The following SFMBT1 variants were observed in gnomAD, a reference collection of about 807,000 sequenced individuals.
SFMBT1 encodes scm-like with four MBT domains protein 1.
SFMBT1 carries 32 observed loss-of-function variants against 108.7 expected under a neutral mutation model. That is an observed-to-expected ratio of 0.29 (90% CI 0.22 to 0.40). The LOEUF (loss-of-function observed/expected upper bound fraction) is 0.40, where lower values mean the gene tolerates loss of function less well. SFMBT1 is among the 10% of genes least tolerant of loss of function. The probability of loss-of-function intolerance (pLI) is 1.00; values close to 1 mark genes in which losing one functional copy is unlikely to be tolerated. For missense variants in SFMBT1, 816 were observed against 1,059.6 expected, an observed-to-expected ratio of 0.77 and a Z score of 3.19; for synonymous variants, 348 against 369.5, an observed-to-expected ratio of 0.94 and a Z score of 0.67.
intron 3 of SFMBT1, among the ~76,000 whole-genome samples, chr3:52,949,976 A>G (rs1265306635): frequency 2.6e-5 from 4 of 151,974 alleles, no homozygotes; most frequent in African/African-American, 9.7e-5. Context: ...CTTTTAACCT[A>G]TATGTCTCTT....
At chr3:52,972,272 C>T (rs971849767) in intron 1 of SFMBT1, among the ~76,000 whole-genome samples, 1 of 152,180 alleles carries the variant, frequency 6.6e-6, no homozygotes, top group Non-Finnish European at 1.5e-5. Context: ...GCAAGTCTTA[C>T]GTAGCAGAAA....
chr3:53,025,144 T>C (rs1699444989), intron 1 of SFMBT1, among the ~76,000 whole-genome samples: 1 of 152,104 alleles, frequency 6.6e-6, no homozygotes, highest in Admixed American at 6.5e-5. Flanking sequence ...AACATGACCT[T>C]CTTAACTGTA....
chr3:52,993,696 C>T (rs1199032327), intron 1 of SFMBT1, among the ~76,000 whole-genome samples: 1 of 149,618 alleles, frequency 6.7e-6, no homozygotes, highest in African/African-American at 2.4e-5. Context: ...GGAAAAAAAT[C>T]CCATACAAAA....
chr3:53,021,021 G>C (rs1324828990), intron 1 of SFMBT1, among the ~76,000 whole-genome samples: 2 of 152,144 alleles, frequency 1.3e-5, no homozygotes, highest in African/African-American at 2.4e-5. Flanking sequence ...TCGCGCCACT[G>C]CACTCCAGCC....
At chr3:52,943,184 AGACAG>A (rs1188983456) in intron 4 of SFMBT1, among the ~76,000 whole-genome samples, 164 bp downstream of exon 4, 1 of 152,246 alleles carries the variant, frequency 6.6e-6, no homozygotes, top group Non-Finnish European at 1.5e-5. Context: ...TAATTTTAAA[AGACAG>A]GGAAATGTGT....
At chr3:52,996,206 CT>C (rs35167235) in intron 1 of SFMBT1, among the ~76,000 whole-genome samples, 1,530 of 88,064 alleles carry the variant, frequency 0.017, 9 homozygotes, top group African/African-American at 0.058. Context: ...ATAAACAATC[CT>C]TTTTTTTTTT....
chr3:52,964,824 A>C (rs1704078254), intron 2 of SFMBT1, among the ~76,000 whole-genome samples: 1 of 152,230 alleles, frequency 6.6e-6, no homozygotes, highest in Non-Finnish European at 1.5e-5. Flanking sequence ...TTGCTGCTCT[A>C]GAATTTGATC....
At chr3:52,982,550 G>A (rs1704749153) in intron 1 of SFMBT1, among the ~76,000 whole-genome samples, 1 of 151,956 alleles carries the variant, frequency 6.6e-6, no homozygotes, top group South Asian at 2.1e-4. Context: ...CCAACAAGGT[G>A]AAACGTCGTC....
chr3:53,002,401 TAAA>T (rs36044342), intron 1 of SFMBT1, among the ~76,000 whole-genome samples: 2 of 106,950 alleles, frequency 1.9e-5, no homozygotes, highest in Non-Finnish European at 3.9e-5. Flanking sequence ...TCCGTCTCAA[TAAA>T]AAAAAAAAAA....
intron 1 of SFMBT1, among the ~76,000 whole-genome samples, chr3:52,994,357 CACATCA>C (rs1160067645): frequency 2.7e-5 from 4 of 150,058 alleles, no homozygotes; most frequent in Non-Finnish European, 4.5e-5. Flanking sequence ...ATAACAGAGA[CACATCA>C]ATCACAAGAG....
chr3:53,021,442 TA>T (rs1399752126), intron 1 of SFMBT1, among the ~76,000 whole-genome samples: 1 of 152,216 alleles, frequency 6.6e-6, no homozygotes, highest in African/African-American at 2.4e-5. Flanking sequence ...GTGTTATGTT[TA>T]AATTTTTCCA....
At chr3:52,960,159 G>A (rs1373019098) in intron 2 of SFMBT1, among the ~76,000 whole-genome samples, 2 of 151,730 alleles carry the variant, frequency 1.3e-5, no homozygotes, top group African/African-American at 4.8e-5. Context: ...GAAAAGGCAA[G>A]TGCAGAATGA....
chr3:52,913,333 TTCACTGTCCAAAACATGAGAAA>T, intron 15 of SFMBT1, 123 bp downstream of exon 15: 1 of 992,804 alleles, frequency 1.0e-6, no homozygotes, highest in Middle Eastern at 2.4e-4. Flanking sequence ...ACATACCCTC[TTCACTGTCCAAAACATGAGAAA>T]AGTTAGTAAC....
At chr3:52,916,377 T>G (rs1449733678) in intron 13 of SFMBT1, among the ~76,000 whole-genome samples, 163 bp from the exon 14 acceptor site, 1 of 149,574 alleles carries the variant, frequency 6.7e-6, no homozygotes, top group Non-Finnish European at 1.5e-5. Flanking sequence ...TTTTTTTTTT[T>G]TTAAAAGAAC....
intron 8 of SFMBT1, 124 bp downstream of exon 8, chr3:52,930,205 T>A: frequency 1.5e-6 from 1 of 647,796 alleles, no homozygotes; most frequent in East Asian, 2.7e-5. Flanking sequence ...GAAGTAATTC[T>A]AGCTGCACGG....
At chr3:52,949,743 C>T (rs1269101358) in intron 3 of SFMBT1, among the ~76,000 whole-genome samples, 2 of 151,670 alleles carry the variant, frequency 1.3e-5, no homozygotes, top group African/African-American at 4.8e-5. Context: ...CCACGCCTGG[C>T]TAATTTTGTA....
chr3:53,024,379 A>C (rs1699414890), intron 1 of SFMBT1, among the ~76,000 whole-genome samples: 1 of 152,250 alleles, frequency 6.6e-6, no homozygotes, highest in African/African-American at 2.4e-5. Flanking sequence ...GATATGTCCA[A>C]GAGTCCTAAG....
chr3:52,985,648 G>T (rs1006549384), intron 1 of SFMBT1, among the ~76,000 whole-genome samples: 1 of 152,124 alleles, frequency 6.6e-6, no homozygotes, highest in African/African-American at 2.4e-5. Context: ...TTTGTTGTTT[G>T]GCAATTTTGT....
chr3:52,976,444 T>A (rs975740546), intron 1 of SFMBT1, among the ~76,000 whole-genome samples: 2 of 151,982 alleles, frequency 1.3e-5, no homozygotes, highest in Non-Finnish European at 2.9e-5. Flanking sequence ...GGAAAAAAAA[T>A]TAGAACCTTA....
Sources: allele counts gnomAD v4.1 joint callset (sites outside exome capture counted in the v4.1 genomes callset), GRCh38; gene constraint gnomAD v4.1.1; transcripts MANE v1.5; gene names NCBI Gene and HGNC (gene_info 2026-07-23, HGNC 2026-07-21).